PXDNL: variants seen among roughly 807,000 people sequenced by gnomAD.
The protein encoded by PXDNL is probable oxidoreductase PXDNL.
Under a neutral mutation model 150.8 loss-of-function variants are expected in PXDNL, and 145 were observed. The ratio of observed to expected loss-of-function variants is 0.96; its 90% CI spans 0.84 to 1.10. PXDNL has a LOEUF of 1.10. Ranked by LOEUF, PXDNL falls within the 50% of genes least tolerant of loss-of-function variation. The pLI, the probability that PXDNL is intolerant of heterozygous loss-of-function variation, is 0.00. For synonymous variants in PXDNL, 757 were observed against 725.7 expected, an observed-to-expected ratio of 1.04 and a Z score of -0.69; for missense variants, 2,087 against 1,873.9, an observed-to-expected ratio of 1.11 and a Z score of -2.10.
intron 1 of PXDNL, among the ~76,000 whole-genome samples, chr8:51,730,372 T>G (rs751020523): frequency 2.0e-5 from 3 of 152,246 alleles, no homozygotes; most frequent in Non-Finnish European, 2.9e-5. Context: ...TTTTTATGTC[T>G]AGCTCATTCT....
At chr8:51,464,789 GA>G (rs1430049050) in intron 8 of PXDNL, among the ~76,000 whole-genome samples, 3 of 152,130 alleles carry the variant, frequency 2.0e-5, no homozygotes, top group African/African-American at 7.2e-5. Flanking sequence ...GATGGGTGCA[GA>G]AACCACCAAG....
intron 1 of PXDNL, among the ~76,000 whole-genome samples, chr8:51,718,317 C>T (rs1358941055): frequency 1.3e-5 from 2 of 152,112 alleles, no homozygotes; most frequent in Non-Finnish European, 2.9e-5. Flanking sequence ...CCATCTTTAG[C>T]ACTGGACCCA....
chr8:51,320,868 C>T lies in PXDNL; in HGVS notation c.4176G>A (p.Gln1392=). 3 of 1,613,936 alleles carry T rather than the reference C, an allele frequency of 1.9e-6. No homozygotes were observed. The highest frequency in any genetic ancestry group is 2.5e-6 in the Non-Finnish European group (3 of 1,179,840). ...QINKLEARLR[Q]AGCTDVRGVP... ...CCCCTCTAACATCTGTACACCCTGC[C>T]TGCCTCAGGCGTGCCTCCAGCTTGT... Residue 1392 remains glutamine (Q), a synonymous_variant, in exon 22 of 23, where the codon CAG becomes CAA. Coordinates refer to ENST00000356297, the MANE Select transcript of PXDNL (RefSeq NM_144651.5).
rs1460370072 is a variant in PXDNL at position 51,591,221 on chromosome 8, T to C, written c.308+1406A>G. 2.0e-5 allele frequency among the ~76,000 whole-genome samples: 3 copies of C among 152,314 alleles called. No homozygotes were observed. In the East Asian group the frequency reaches 5.8e-4, roughly 29 times the overall value. ...TCCAGAATGATGAGCCAAATAAACTTTTTTTAAAAAAATTAATTACCTAGT... is the reference window on the plus strand; with the variant it reads ...TCCAGAATGATGAGCCAAATAAACTCTTTTTAAAAAAATTAATTACCTAGT... On this transcript the variant is annotated intron_variant, in intron 3 of 22. Coordinates refer to ENST00000356297, the MANE Select transcript of PXDNL (RefSeq NM_144651.5).
intron 12 of PXDNL, among the ~76,000 whole-genome samples, chr8:51,428,794 C>A (rs1284479923): frequency 6.6e-6 from 1 of 152,046 alleles, no homozygotes; most frequent in Admixed American, 6.6e-5. Context: ...GCCAAAAGTT[C>A]TTTGACTTTG....
chr8:51,638,765 C>T (rs1814668303), intron 2 of PXDNL, among the ~76,000 whole-genome samples: 1 of 152,092 alleles, frequency 6.6e-6, no homozygotes, highest in African/African-American at 2.4e-5. Flanking sequence ...GACTTTAACA[C>T]CCCACTGTCA....
intron 1 of PXDNL, among the ~76,000 whole-genome samples, chr8:51,725,979 G>A (rs1016028032): frequency 6.6e-6 from 1 of 152,170 alleles, no homozygotes; most frequent in Non-Finnish European, 1.5e-5. Flanking sequence ...TATTGATGTA[G>A]CCTTGATAAA....
chr8:51,613,409 A>G (rs1277198657), intron 2 of PXDNL, among the ~76,000 whole-genome samples: 1 of 145,300 alleles, frequency 6.9e-6, no homozygotes, highest in East Asian at 2.1e-4. Flanking sequence ...CAGTATCTGA[A>G]GACAAGAAAG....
intron 4 of PXDNL, among the ~76,000 whole-genome samples, chr8:51,537,153 C>A (rs1812096107): frequency 6.6e-6 from 1 of 152,066 alleles, no homozygotes; most frequent in Non-Finnish European, 1.5e-5. Flanking sequence ...TAACCCTGAC[C>A]ACACATTAGA....
At chr8:51,765,685 TTTCA>T (rs1221419696) in intron 1 of PXDNL, among the ~76,000 whole-genome samples, 1 of 152,112 alleles carries the variant, frequency 6.6e-6, no homozygotes, top group South Asian at 2.1e-4. Context: ...TTGTATCATA[TTTCA>T]TTAATATTAT....
intron 1 of PXDNL, among the ~76,000 whole-genome samples, chr8:51,768,143 A>G (rs1232185046): frequency 6.6e-6 from 1 of 152,194 alleles, no homozygotes; most frequent in Non-Finnish European, 1.5e-5. Context: ...AACAAAGCTC[A>G]CGATTCTTAC....
At chr8:51,773,792 A>G (rs1264783720) in intron 1 of PXDNL, among the ~76,000 whole-genome samples, 1 of 152,216 alleles carries the variant, frequency 6.6e-6, no homozygotes, top group Non-Finnish European at 1.5e-5. Flanking sequence ...AGCATATACA[A>G]TTTACCATTT....
chr8:51,332,062 G>A (rs886467109), intron 21 of PXDNL, among the ~76,000 whole-genome samples: 1 of 152,082 alleles, frequency 6.6e-6, no homozygotes, highest in Non-Finnish European at 1.5e-5. Flanking sequence ...GCTAAGAAAC[G>A]TCATGGAATC....
At chr8:51,700,168 T>C (rs1467599822) in intron 1 of PXDNL, among the ~76,000 whole-genome samples, 2 of 139,830 alleles carry the variant, frequency 1.4e-5, no homozygotes, top group African/African-American at 3.0e-5. Flanking sequence ...TATGCCTGCA[T>C]ACACACACAC....
At chr8:51,503,006 G>A (rs1299445023) in intron 4 of PXDNL, among the ~76,000 whole-genome samples, 4 of 151,846 alleles carry the variant, frequency 2.6e-5, no homozygotes, top group African/African-American at 7.3e-5. Context: ...ATATTTCACA[G>A]GTAGCAATTC....
chr8:51,744,989 A>G (rs1035066753), intron 1 of PXDNL, among the ~76,000 whole-genome samples: 1 of 5,440 alleles, frequency 1.8e-4, no homozygotes, highest in Non-Finnish European at 5.8e-4. Flanking sequence ...AGAAAGAAAG[A>G]AAGGGAGGGA....
intron 4 of PXDNL, among the ~76,000 whole-genome samples, chr8:51,546,791 A>G (rs1014740189): frequency 2.5e-4 from 38 of 152,062 alleles, no homozygotes; most frequent in Non-Finnish European, 2.6e-4. Context: ...ATGGATATAA[A>G]CTCAGTGCAG....
chr8:51,669,346 T>C (rs1234608335), intron 1 of PXDNL, among the ~76,000 whole-genome samples: 23 of 152,242 alleles, frequency 1.5e-4, no homozygotes, highest in Non-Finnish European at 2.9e-5. Context: ...AAACTTCTGT[T>C]ATGACCTACT....
At chr8:51,760,175 TAAC>T (rs1374513573) in intron 1 of PXDNL, among the ~76,000 whole-genome samples, 1 of 152,246 alleles carries the variant, frequency 6.6e-6, no homozygotes, top group Non-Finnish European at 1.5e-5. Context: ...CTCTCATTCT[TAAC>T]AAGTTTAAAG....
Sources: allele counts gnomAD v4.1 joint callset (sites outside exome capture counted in the v4.1 genomes callset), GRCh38; gene constraint gnomAD v4.1.1; transcripts MANE v1.5; gene names NCBI Gene and HGNC (gene_info 2026-07-23, HGNC 2026-07-21).